DYRK1A: variants seen among roughly 807,000 people sequenced by gnomAD.
DYRK1A encodes dual specificity tyrosine phosphorylation regulated kinase 1A.
In DYRK1A, 9 loss-of-function variants were observed where a neutral mutation model predicts 79.7. The ratio of observed to expected loss-of-function variants is 0.11; its 90% CI spans 0.07 to 0.20. The LOEUF is 0.20. DYRK1A is among the 10% of genes least tolerant of loss of function. The probability of loss-of-function intolerance (pLI) is 1.00; values close to 1 mark genes in which losing one functional copy is unlikely to be tolerated. For synonymous variants in DYRK1A, 349 were observed against 329.7 expected, an observed-to-expected ratio of 1.06 and a Z score of -0.63; for missense variants, 622 against 956.0, an observed-to-expected ratio of 0.65 and a Z score of 4.61.
At chr21:37,453,001 T>A (rs1299093863) in intron 2 of DYRK1A, among the ~76,000 whole-genome samples, 2 of 152,146 alleles carry the variant, frequency 1.3e-5, no homozygotes, top group Admixed American at 1.3e-4. Flanking sequence ...TCCCAGCATT[T>A]TGGGAGGGCA....
chr21:37,497,953 T>C (rs2053322900), intron 9 of DYRK1A, among the ~76,000 whole-genome samples: 1 of 152,046 alleles, frequency 6.6e-6, no homozygotes, highest in Admixed American at 6.5e-5. Flanking sequence ...TTATTTTGCT[T>C]TTAAGAGATA....
At chr21:37,393,341 G>A (rs1413055055) in intron 1 of DYRK1A, among the ~76,000 whole-genome samples, 1 of 152,186 alleles carries the variant, frequency 6.6e-6, no homozygotes, top group Non-Finnish European at 1.5e-5. Context: ...GTTTAGTTGG[G>A]AGGATGTGCT....
Position 37,412,987 on chromosome 21 carries a change from G to T in DYRK1A, c.-76-7312G>T, listed in dbSNP as rs184512885. On this transcript the variant is annotated intron_variant, in intron 1 of 11. Transcript: ENST00000647188. Reference sequence around the variant, plus strand: ...AGATGTATAGAGAAATGAGTGAAGCGGTCAGGGGATAGAACCAGAGGTCAC... The same window carrying T: ...AGATGTATAGAGAAATGAGTGAAGCTGTCAGGGGATAGAACCAGAGGTCAC... Among the ~76,000 whole-genome samples the T allele has an allele frequency of 1.0e-3, 156 of 152,226 alleles. 1 individual carries two copies. Among genetic ancestry groups the T allele is most frequent in the African/African-American group, 3.3e-3 (139 of 41,524 alleles).
At chr21:37,500,299 A>C (rs1030006767) in intron 9 of DYRK1A, among the ~76,000 whole-genome samples, 6 of 152,164 alleles carry the variant, frequency 3.9e-5, no homozygotes, top group African/African-American at 1.4e-4. Flanking sequence ...TTGAATGTTA[A>C]GCCCCACCCT....
intron 2 of DYRK1A, among the ~76,000 whole-genome samples, chr21:37,455,488 C>T (rs932649178): frequency 2.0e-5 from 3 of 152,050 alleles, no homozygotes; most frequent in African/African-American, 7.2e-5. Flanking sequence ...CTTTTTAAGT[C>T]ACCTCTTTTT....
chr21:37,487,584 CACTG>C (rs1274310375), intron 6 of DYRK1A: 2 of 152,100 alleles, frequency 1.3e-5, no homozygotes, highest in Non-Finnish European at 2.9e-5. Context: ...TGTTCAGAAA[CACTG>C]ACCTTATTTG....
Position 37,490,172 on chromosome 21 carries a change from C to T in DYRK1A, c.638-3C>T, listed in dbSNP as rs779620187. The T allele has an allele frequency of 1.9e-5, 31 of 1,609,576 alleles. No homozygotes were observed. Among genetic ancestry groups the T allele is most frequent in the Non-Finnish European group, 2.5e-5 (30 of 1,177,280 alleles). ...TTTAAAATGAAACTGTTTTCTCTTT[C>T]AGTGCATTTGAAACGCCACTTTATG... On this transcript the variant is annotated splice_region_variant and splice_polypyrimidine_tract_variant and intron_variant, in intron 6 of 11. Transcript: ENST00000647188.
intron 11 of DYRK1A, among the ~76,000 whole-genome samples, chr21:37,508,090 C>T: frequency 6.6e-6 from 1 of 152,154 alleles, no homozygotes; most frequent in East Asian, 1.9e-4. Context: ...CCTCTTTCCC[C>T]ACACTGAATC....
At chr21:37,381,591 G>GA (rs2049659451) in intron 1 of DYRK1A, among the ~76,000 whole-genome samples, 1 of 152,162 alleles carries the variant, frequency 6.6e-6, no homozygotes, top group African/African-American at 2.4e-5. Flanking sequence ...GTTATATCTG[G>GA]AATGTAGCTC....
chr21:37,436,149 A>G (rs2050918657), intron 2 of DYRK1A, among the ~76,000 whole-genome samples: 1 of 152,220 alleles, frequency 6.6e-6, no homozygotes, highest in Non-Finnish European at 1.5e-5. Flanking sequence ...TGATAGGGAC[A>G]TGGGAAATGG....
In DYRK1A at chr21:37,518,361, AGT is replaced by A. The variant is rs1212281671; in HGVS notation, c.*5832_*5833del. On this transcript the variant is annotated 3_prime_UTR_variant, in exon 12 of 12. Transcript: ENST00000647188. ...AGGAAAGAAATGACTAATGAACTCTAGTGATCGCAAACTGCTCAATCGGTACT... is the reference window on the plus strand; with the variant it reads ...AGGAAAGAAATGACTAATGAACTCTAGATCGCAAACTGCTCAATCGGTACT... The A allele has an allele frequency of 3.3e-5, 5 of 152,224 alleles. No individual in the cohort carries two copies. The highest frequency in any genetic ancestry group is 2.1e-4 in the South Asian group (1 of 4,832). The allele number at this position is 152,224 out of a possible 1,614,324, so 9.4% of individuals were successfully genotyped here.
intron 2 of DYRK1A, among the ~76,000 whole-genome samples, chr21:37,454,464 G>A (rs753127828): frequency 2.0e-5 from 3 of 152,144 alleles, no homozygotes; most frequent in African/African-American, 7.2e-5. Flanking sequence ...GTCAATAGTA[G>A]TTTTGGATGC....
At chr21:37,389,048 A>AT (rs2049818847) in intron 1 of DYRK1A, among the ~76,000 whole-genome samples, 1 of 150,926 alleles carries the variant, frequency 6.6e-6, no homozygotes, top group Non-Finnish European at 1.5e-5. Context: ...TAAAAAAAAA[A>AT]ATTTTTTTTT....
At chr21:37,451,818 G>A (rs2051462767) in intron 2 of DYRK1A, among the ~76,000 whole-genome samples, 1 of 152,180 alleles carries the variant, frequency 6.6e-6, no homozygotes, top group Non-Finnish European at 1.5e-5. Flanking sequence ...TGGAGTAGGG[G>A]ACCAGTTCCC....
In DYRK1A at chr21:37,508,432, C is replaced by T. The variant is rs12627645; in HGVS notation, c.1644+2209C>T. Reference sequence around the variant, plus strand: ...CCTCCTGAGTAGCTGGGATTACAGACGCACATCACCATGCTGGCTAATTTT... The same window carrying T: ...CCTCCTGAGTAGCTGGGATTACAGATGCACATCACCATGCTGGCTAATTTT... On this transcript the variant is annotated intron_variant, in intron 11 of 11. Coordinates refer to ENST00000647188, the MANE Select transcript of DYRK1A (RefSeq NM_001347721.2). 2.1e-3 allele frequency among the ~76,000 whole-genome samples: 324 copies of T among 152,274 alleles called. 1 individual carries two copies. The highest frequency in any genetic ancestry group is 7.3e-3 in the African/African-American group (304 of 41,556).
chr21:37,517,366 C>T lies in DYRK1A; in HGVS notation c.*4835C>T, dbSNP rs895644168. The T allele has an allele frequency of 3.3e-5, 5 of 152,096 alleles. No homozygotes were observed. Among genetic ancestry groups the T allele is most frequent in the Non-Finnish European group, 7.3e-5 (5 of 68,032 alleles). The allele number at this position is 152,096 out of a possible 1,614,324, so 9.4% of individuals were successfully genotyped here. On this transcript the variant is annotated 3_prime_UTR_variant, in exon 12 of 12. Coordinates refer to ENST00000647188, the MANE Select transcript of DYRK1A (RefSeq NM_001347721.2). ...CGAGTTCTCATAGCTAGAGAAAGGC[C>T]GTGTAGGTATAAGTGCTTAATGTTT...
rs1376783354 is a variant in DYRK1A, at chr21:37,521,468, ACAC to A, written c.*8940_*8942del. On this transcript the variant is annotated 3_prime_UTR_variant, in exon 12 of 12. Coordinates refer to ENST00000647188, the MANE Select transcript of DYRK1A (RefSeq NM_001347721.2). ...AGAGAAATCAACAAATATTAATTGAACACCAGTCATGTGCAAAGCACTTAGCTA... is the reference window on the plus strand; with the variant it reads ...AGAGAAATCAACAAATATTAATTGAACAGTCATGTGCAAAGCACTTAGCTA... 6.6e-6 allele frequency: 1 copy of A among 152,274 alleles called. No homozygotes were observed. The highest frequency in any genetic ancestry group is 1.5e-5 in the Non-Finnish European group (1 of 68,046). The allele number at this position is 152,274 out of a possible 1,614,324, so 9.4% of individuals were successfully genotyped here. A position where few individuals can be genotyped will look rare whatever the true frequency, so the allele number is the denominator to read the frequency against.
chr21:37,458,268 C>CTCTGTGTGTGTG (rs10635582), intron 2 of DYRK1A, among the ~76,000 whole-genome samples: 29 of 130,586 alleles, frequency 2.2e-4, no homozygotes, highest in South Asian at 1.1e-3. Flanking sequence ...GGGTAATTTA[C>CTCTGTGTGTGTG]TGTGTGTGTG....
chr21:37,453,630 C>T (rs1469910462), intron 2 of DYRK1A, among the ~76,000 whole-genome samples: 1 of 152,170 alleles, frequency 6.6e-6, no homozygotes, highest in African/African-American at 2.4e-5. Context: ...AGTTACTTCC[C>T]TGAAGGATAA....
Sources: allele counts gnomAD v4.1 joint callset (sites outside exome capture counted in the v4.1 genomes callset), GRCh38; gene constraint gnomAD v4.1.1; transcripts MANE v1.5; gene names NCBI Gene and HGNC (gene_info 2026-07-23, HGNC 2026-07-21).